Variants in FAM117A observed in about 807,000 individuals in gnomAD.
The protein encoded by FAM117A is family with sequence similarity 117 member A, also known as protein FAM117A.
Under a neutral mutation model 44.1 loss-of-function variants are expected in FAM117A, and 21 were observed. The ratio of observed to expected loss-of-function variants is 0.48; its 90% CI spans 0.34 to 0.69. The LOEUF is 0.69. FAM117A is among the 30% of genes least tolerant of loss of function. The pLI is 0.01. For synonymous variants in FAM117A, 220 were observed against 238.3 expected, an observed-to-expected ratio of 0.92 and a Z score of 0.71; for missense variants, 498 against 589.9, an observed-to-expected ratio of 0.84 and a Z score of 1.61.
At chr17:49,712,434 A>G (rs1371295188) in intron 7 of FAM117A, among the ~76,000 whole-genome samples, 1 of 152,176 alleles carries the variant, frequency 6.6e-6, no homozygotes, top group African/African-American at 2.4e-5. Flanking sequence ...ATATTGCCAA[A>G]TGTTCCCTAG....
intron 1 of FAM117A, among the ~76,000 whole-genome samples, chr17:49,786,801 G>T (rs1168133278): frequency 6.7e-6 from 1 of 148,660 alleles, no homozygotes; most frequent in Non-Finnish European, 1.5e-5. Context: ...AAAAAGAAAG[G>T]CTGGTATGGC....
At position 49,711,146 on chromosome 17, in the gene FAM117A, C is replaced by T. The variant is rs557321946; in HGVS notation, c.*109G>A. 1.1e-5 allele frequency: 12 copies of T among 1,120,878 alleles called. No homozygotes were observed. Among genetic ancestry groups the T allele is most frequent in the South Asian group, 3.3e-5 (2 of 61,174 alleles). 69.4% of individuals were successfully genotyped at this position (1,120,878 alleles called of 1,614,324 possible). A position where few individuals can be genotyped will look rare whatever the true frequency, so the allele number is the denominator to read the frequency against. The stretch of plus-strand genomic sequence containing the variant: ...GACACAGTAAGTGAAAGAAAGTGCT[C>T]GAAGGCCGAGAGGGAAGGGCCCCTC... On this transcript the variant is annotated 3_prime_UTR_variant, in exon 8 of 8. Transcript: ENST00000240364.
At chr17:49,762,801 T>C (rs540936440) in intron 1 of FAM117A, among the ~76,000 whole-genome samples, 1 of 152,354 alleles carries the variant, frequency 6.6e-6, no homozygotes, top group African/African-American at 2.4e-5. Context: ...TTTCAACTTA[T>C]TGCCAACCTC....
upstream of FAM117A, among the ~76,000 whole-genome samples, chr17:49,766,879 T>C (rs2073747255): frequency 6.6e-6 from 1 of 152,182 alleles, no homozygotes; most frequent in Non-Finnish European, 1.5e-5. Context: ...GTAATGTGCA[T>C]GGTTCCATGG....
intron 1 of FAM117A, among the ~76,000 whole-genome samples, chr17:49,739,066 G>T (rs1010680703): frequency 6.6e-6 from 1 of 152,142 alleles, no homozygotes; most frequent in African/African-American, 2.4e-5. Context: ...GGTGGGGAGG[G>T]TAGGTCTGAC....
At chr17:49,724,247 T>C in intron 2 of FAM117A, 1 of 429,354 alleles carries the variant, frequency 2.3e-6, no homozygotes, top group Non-Finnish European at 4.7e-6. Context: ...ACTCTAAAGA[T>C]GACTACCTCT....
intron 1 of FAM117A, among the ~76,000 whole-genome samples, chr17:49,787,588 T>C (rs368765821): frequency 1.3e-5 from 2 of 152,332 alleles, no homozygotes; most frequent in African/African-American, 4.8e-5. Context: ...CAGTTTGAAA[T>C]TGGGGTTCGG....
chr17:49,730,050 C>G (rs2073578161), intron 2 of FAM117A, among the ~76,000 whole-genome samples: 2 of 152,190 alleles, frequency 1.3e-5, no homozygotes, highest in South Asian at 4.1e-4. Flanking sequence ...TAGCTTGGAC[C>G]AGGCCCGGGG....
intron 1 of FAM117A, among the ~76,000 whole-genome samples, chr17:49,785,016 T>A (rs778076117): frequency 6.6e-6 from 1 of 152,236 alleles, no homozygotes; most frequent in East Asian, 1.9e-4. Flanking sequence ...TGTAAATATA[T>A]AGTCACTAAC....
chr17:49,711,492 G>T lies in FAM117A; in HGVS notation c.1125C>A (p.Asn375Lys), dbSNP rs951590253. 3 of 1,614,124 alleles carry T rather than the reference G, an allele frequency of 1.9e-6. No homozygotes were observed. The highest frequency in any genetic ancestry group is 2.5e-6 in the Non-Finnish European group (3 of 1,180,020). Reference sequence around the variant, plus strand: ...CGGGGCAGAAGGCTGAGCCAGTCGGGTTGAAATGGACTTTGTTCTTGTCAG... The same window carrying T: ...CGGGGCAGAAGGCTGAGCCAGTCGGTTTGAAATGGACTTTGTTCTTGTCAG... ...SCPDKNKVHF[N>K]PTGSAFCPVN... Residue 375 changes from asparagine to lysine, a missense_variant, in exon 8 of 8, where the codon AAC becomes AAA. Asn to Lys is a moderately conservative substitution (Grantham distance 94). This residue lies in a region of FAM117A where 224 missense variants were observed against 296.5 expected (regional missense o/e 0.76). Transcript: ENST00000240364.
At chr17:49,725,629 G>A (rs2073556152) in intron 2 of FAM117A, among the ~76,000 whole-genome samples, 1 of 152,214 alleles carries the variant, frequency 6.6e-6, no homozygotes, top group Non-Finnish European at 1.5e-5. Flanking sequence ...CAGTGCAAAG[G>A]CCCTGTGGCG....
chr17:49,711,232 A>C lies in FAM117A; in HGVS notation c.*23T>G, dbSNP rs752074475. 1.9e-6 allele frequency: 3 copies of C among 1,567,794 alleles called. No individual in the cohort carries two copies. Among genetic ancestry groups the C allele is most frequent in the Admixed American group, 1.8e-5 (1 of 55,058 alleles). Reference sequence around the variant, plus strand: ...CCACCAAGGCACTGGTCTCTATGGTAAAGTGGGGCAGGGGTGGGACCCTCA... The same window carrying C: ...CCACCAAGGCACTGGTCTCTATGGTCAAGTGGGGCAGGGGTGGGACCCTCA... On this transcript the variant is annotated 3_prime_UTR_variant, in exon 8 of 8. Transcript: ENST00000240364.
intron 1 of FAM117A, among the ~76,000 whole-genome samples, chr17:49,786,761 A>G (rs2039560951): frequency 6.8e-6 from 1 of 146,032 alleles, no homozygotes; most frequent in Non-Finnish European, 1.5e-5. Flanking sequence ...TGGCAACAAG[A>G]GCAAAACCCT....
chr17:49,766,253 G>A (rs1387250593), upstream of FAM117A, among the ~76,000 whole-genome samples: 1 of 152,148 alleles, frequency 6.6e-6, no homozygotes, highest in Non-Finnish European at 1.5e-5. Flanking sequence ...AAGAACACAG[G>A]ATTACTGTTC....
intron 2 of FAM117A, among the ~76,000 whole-genome samples, chr17:49,731,510 G>T (rs1298228646): frequency 6.6e-6 from 1 of 152,234 alleles, no homozygotes; most frequent in Admixed American, 6.5e-5. Flanking sequence ...GATCTGCAGA[G>T]ATTCTTTCCG....
At chr17:49,745,089 T>C (rs374088135) in intron 1 of FAM117A, among the ~76,000 whole-genome samples, 25 of 150,298 alleles carry the variant, frequency 1.7e-4, no homozygotes, top group African/African-American at 5.9e-4. Context: ...GTATTTTTAA[T>C]ACTCAGTTGG....
chr17:49,732,782 A>G (rs1598024905), intron 1 of FAM117A, 62 bp from the exon 2 acceptor site: 9 of 1,532,298 alleles, frequency 5.9e-6, no homozygotes, highest in Non-Finnish European at 8.0e-6. Context: ...CGTGGCAATC[A>G]CCTTCCTCTT....
At chr17:49,758,639 A>AAATAT (rs2073709429) in intron 1 of FAM117A, among the ~76,000 whole-genome samples, 2 of 35,096 alleles carry the variant, frequency 5.7e-5, no homozygotes, top group African/African-American at 2.1e-4. Context: ...AAAAAAAATA[A>AAATAT]AATAAATAAA....
At chr17:49,755,292 A>C (rs1362662388) in intron 1 of FAM117A, among the ~76,000 whole-genome samples, 1 of 152,184 alleles carries the variant, frequency 6.6e-6, no homozygotes, top group Non-Finnish European at 1.5e-5. Context: ...CTCTGAAGCC[A>C]TCCTAGGGCC....
Sources: allele counts gnomAD v4.1 joint callset (sites outside exome capture counted in the v4.1 genomes callset), GRCh38; gene constraint gnomAD v4.1.1; regional missense constraint gnomAD v4.1.1; transcripts MANE v1.5; gene names NCBI Gene and HGNC (gene_info 2026-07-23, HGNC 2026-07-21).